CCNYL1: variants seen among roughly 807,000 people sequenced by gnomAD.
The protein encoded by CCNYL1 is cyclin Y like 1.
In CCNYL1, 16 loss-of-function variants were observed where a neutral mutation model predicts 44.2. That is an observed-to-expected ratio of 0.36 (90% CI 0.25 to 0.55). The LOEUF (loss-of-function observed/expected upper bound fraction) is 0.55. Among genes scored for constraint, CCNYL1 ranks in the 20% least tolerant of loss-of-function variants. The pLI is 0.85. For synonymous variants in CCNYL1, 159 were observed against 163.2 expected (o/e 0.97, Z 0.20); for missense variants, 348 against 451.8 (o/e 0.77, Z 2.08).
chr2:207,738,719 T>C (rs1575218752), intron 5 of CCNYL1, among the ~76,000 whole-genome samples: 1 of 24 alleles, frequency 0.042, no homozygotes, highest in Non-Finnish European at 0.25. Flanking sequence ...CTCTTCTTTC[T>C]TTTTTTTTTC....
intron 8 of CCNYL1, 66 bp downstream of exon 8, chr2:207,747,279 C>T: frequency 7.4e-7 from 1 of 1,359,944 alleles, no homozygotes; most frequent in Non-Finnish European, 1.0e-6. Context: ...ATAAAGTTAA[C>T]AATTTAAGGA....
chr2:207,735,711 A>G (rs144656216), intron 4 of CCNYL1, among the ~76,000 whole-genome samples: 33 of 152,258 alleles, frequency 2.2e-4, no homozygotes, highest in African/African-American at 6.7e-4. Flanking sequence ...AGTAAAATAC[A>G]AAAAAATTAG....
intron 5 of CCNYL1, among the ~76,000 whole-genome samples, chr2:207,738,979 C>G (rs2091787373): frequency 1.3e-5 from 2 of 151,926 alleles, no homozygotes; most frequent in African/African-American, 4.8e-5. Context: ...CTCAGCCTCC[C>G]AAAGTGCTAG....
chr2:207,719,933 G>A (rs187122267), intron 1 of CCNYL1, among the ~76,000 whole-genome samples: 24 of 152,186 alleles, frequency 1.6e-4, no homozygotes, highest in Non-Finnish European at 1.8e-4. Flanking sequence ...GCTCATGCCT[G>A]TACTACAGCA....
chr2:207,737,841 CCT>C (rs990225752), intron 5 of CCNYL1, among the ~76,000 whole-genome samples: 1 of 152,016 alleles, frequency 6.6e-6, no homozygotes, highest in African/African-American at 2.4e-5. Context: ...AAATATAACC[CCT>C]GACTGAGAAT....
Position 207,751,670 on chromosome 2 carries a change from C to T in CCNYL1, c.969+551C>T, listed in dbSNP as rs377579863. 4.4e-4 allele frequency among the ~76,000 whole-genome samples: 67 copies of T among 152,276 alleles called. 1 individual carries two copies. Among genetic ancestry groups the T allele is most frequent in the African/African-American group, 1.6e-3 (65 of 41,572 alleles). Reference sequence around the variant, plus strand: ...GGGAGTTCAAGACCAGCCTGACCAACATGGAGAAACCCCGTCTCTACTAAA... The same window carrying T: ...GGGAGTTCAAGACCAGCCTGACCAATATGGAGAAACCCCGTCTCTACTAAA... On this transcript the variant is annotated intron_variant, in intron 9 of 9. Transcript: ENST00000295414.
intron 8 of CCNYL1, among the ~76,000 whole-genome samples, 175 bp downstream of exon 8, chr2:207,747,388 C>CAA (rs375555912): frequency 7.5e-6 from 1 of 133,746 alleles, no homozygotes; most frequent in African/African-American, 2.7e-5. Flanking sequence ...AAGACTGTCT[C>CAA]AAAAAAAAAA....
chr2:207,746,557 T>A (rs143250611), intron 7 of CCNYL1, among the ~76,000 whole-genome samples: 1 of 152,356 alleles, frequency 6.6e-6, no homozygotes, highest in African/African-American at 2.4e-5. Context: ...AGCAGAGATA[T>A]CTGACCTACA....
chr2:207,742,725 T>G (rs2091820822), intron 7 of CCNYL1, among the ~76,000 whole-genome samples: 1 of 151,974 alleles, frequency 6.6e-6, no homozygotes, highest in African/African-American at 2.4e-5. Flanking sequence ...CTAAGCCAAG[T>G]CCCAGGCTCT....
In CCNYL1 at chr2:207,724,825, T is replaced by A; in HGVS notation, c.246T>A (p.Ser82=). The change falls in exon 2 of 10, where the codon TCT becomes TCA. Residue 82 remains serine, a synonymous_variant. Transcript: ENST00000295414. ...PEDLALESNP[S]DHPRASTIFL... ...ATTTAGCTTTGGAGTCAAACCCTTC[T>A]GACCATCCAAGGGCAAGCACAATTT... 1 of 1,613,788 alleles carries A rather than the reference T, an allele frequency of 6.2e-7. No homozygotes were observed. Among genetic ancestry groups the A allele is most frequent in the South Asian group, 1.1e-5 (1 of 91,006 alleles).
rs531831288 is a variant in CCNYL1, at chr2:207,727,952, TTCTC to T, written c.330+1086_330+1089del. On this transcript the variant is annotated intron_variant, in intron 3 of 9. Coordinates refer to ENST00000295414, the MANE Select transcript of CCNYL1 (RefSeq NM_001330218.2). ...CTGTCTGAAAACCTCCCCTATTTCT[TTCTC>T]TCTCTCTCTTTTTTTTTTTTTTTTG... Among the ~76,000 whole-genome samples the T allele has an allele frequency of 4.1e-3, 623 of 151,856 alleles. 2 individuals are homozygous for T. The highest frequency in any genetic ancestry group is 0.014 in the African/African-American group (573 of 41,374).
At chr2:207,726,397 G>GA (rs2105824288) in intron 2 of CCNYL1, among the ~76,000 whole-genome samples, 1 of 152,320 alleles carries the variant, frequency 6.6e-6, no homozygotes, top group Non-Finnish European at 1.5e-5. Flanking sequence ...TGTTTGCAGT[G>GA]ATTGTGGTGC....
At position 207,742,295 on chromosome 2, in the gene CCNYL1, CTT is replaced by C; in HGVS notation, c.596_597del (p.Phe199Ter). The C allele has an allele frequency of 1.2e-6, 2 of 1,613,372 alleles. No individual in the cohort carries two copies. Among genetic ancestry groups the C allele is most frequent in the Non-Finnish European group, 1.7e-6 (2 of 1,179,814 alleles). ...ATTTATTTACAGATTTGTTCGTACT[CTT>C]TTTAGTGCTGCACAGCTAACAGCTG... ...HKFIYRFVRT[L>X]FSAAQLTAEC... is the part of the protein sequence containing the mutation. On this transcript the variant is annotated frameshift_variant, in exon 7 of 10. Transcript: ENST00000295414. LOFTEE classifies it high-confidence loss of function.
intron 3 of CCNYL1, among the ~76,000 whole-genome samples, chr2:207,729,202 G>C (rs2105826243): frequency 6.8e-6 from 1 of 146,064 alleles, no homozygotes; most frequent in Middle Eastern, 3.4e-3. Context: ...CTATTCAGAT[G>C]CTGAGCTTAT....
rs754910948 is a variant in CCNYL1 at position 207,747,197 on chromosome 2, A to G, written c.790A>G (p.Ile264Val). The change falls in exon 8 of 10, where the codon ATT becomes GTT. Residue 264 changes from isoleucine to valine, a missense_variant. Coordinates refer to ENST00000295414, the MANE Select transcript of CCNYL1 (RefSeq NM_001330218.2). Reference protein sequence around the residue: ...NVDYCQILKDITVEDMNEMER... With the variant: ...NVDYCQILKDVTVEDMNEMER... ...GGACTACTGCCAGATCCTCAAGGAC[A>G]TTACAGTTGAGGACATGTGAGTTTG... 3 of 1,612,704 alleles carry G rather than the reference A, an allele frequency of 1.9e-6. No individual in the cohort carries two copies. Among genetic ancestry groups the G allele is most frequent in the South Asian group, 1.1e-5 (1 of 90,816 alleles).
chr2:207,712,346 A>G (rs923223841), intron 1 of CCNYL1, among the ~76,000 whole-genome samples: 3 of 151,684 alleles, frequency 2.0e-5, no homozygotes, highest in African/African-American at 7.3e-5. Flanking sequence ...CCCGCTTCCC[A>G]TTCTCCCAAG....
intron 1 of CCNYL1, among the ~76,000 whole-genome samples, chr2:207,715,215 C>G (rs2091584087): frequency 6.6e-6 from 1 of 152,034 alleles, no homozygotes; most frequent in African/African-American, 2.4e-5. Flanking sequence ...TTGCAGTGAG[C>G]TGAGATCGTG....
chr2:207,753,637 G>A lies in CCNYL1; in HGVS notation c.1019G>A (p.Arg340Lys). ...AAAGACTTGTGTAGAGCCGCTATGA[G>A]AAGGTCTTTCAGTGCTGATAACTTC... ...EDKDLCRAAM[R>K]RSFSADNFIG... Residue 340 changes from arginine (R) to lysine (K), a missense_variant, in exon 10 of 10, where the codon AGA becomes AAA. Physicochemically the swap from Arg to Lys is conservative, Grantham distance 26. Around this residue, in one of 3 missense-constraint regions of CCNYL1, gnomAD observed 94 missense variants for 102.4 expected, o/e 0.92. Transcript: ENST00000295414. 6.2e-7 allele frequency: 1 copy of A among 1,613,258 alleles called. No homozygotes were observed. The highest frequency in any genetic ancestry group is 1.3e-5 in the African/African-American group (1 of 74,894).
intron 2 of CCNYL1, 151 bp downstream of exon 2, chr2:207,725,025 T>C (rs2091669531): frequency 4.9e-6 from 3 of 613,152 alleles, no homozygotes; most frequent in Non-Finnish European, 8.5e-6. Flanking sequence ...TGATATACTT[T>C]CCTTTAGTTG....
Sources: allele counts gnomAD v4.1 joint callset (sites outside exome capture counted in the v4.1 genomes callset), GRCh38; gene constraint gnomAD v4.1.1; regional missense constraint gnomAD v4.1.1; transcripts MANE v1.5; gene names NCBI Gene and HGNC (gene_info 2026-07-23, HGNC 2026-07-21).